Variants in ZNF236 observed in about 807,000 individuals in gnomAD.
The protein encoded by ZNF236 is zinc finger protein 236.
ZNF236 carries 50 observed loss-of-function variants against 191.2 expected under a neutral mutation model. The ratio of observed to expected loss-of-function variants is 0.26; its 90% CI spans 0.21 to 0.33. ZNF236 has a LOEUF of 0.33. Ranked by LOEUF, ZNF236 falls within the 10% of genes least tolerant of loss-of-function variation. The pLI, the probability that ZNF236 is intolerant of heterozygous loss-of-function variation, is 1.00. For missense variants in ZNF236, 1,754 were observed against 2,374.5 expected, an observed-to-expected ratio of 0.74 and a Z score of 5.43; for synonymous variants, 907 against 928.8, an observed-to-expected ratio of 0.98 and a Z score of 0.43.
At chr18:76,889,212 C>T (rs189180651) in intron 9 of ZNF236, among the ~76,000 whole-genome samples, 14 of 152,306 alleles carry the variant, frequency 9.2e-5, no homozygotes, top group Admixed American at 4.6e-4. Flanking sequence ...CGAAGCTCAC[C>T]GGCAGGGCCA....
intron 21 of ZNF236, among the ~76,000 whole-genome samples, chr18:76,924,332 G>A (rs917173197): frequency 9.2e-5 from 14 of 152,214 alleles, no homozygotes; most frequent in African/African-American, 3.1e-4. Context: ...CTTGGTTTTG[G>A]AGTTCAGCGT....
chr18:76,916,694 C>T (rs1235650407), intron 19 of ZNF236, among the ~76,000 whole-genome samples: 4 of 152,102 alleles, frequency 2.6e-5, no homozygotes, highest in Non-Finnish European at 5.9e-5. Flanking sequence ...TTTTTAAATC[C>T]GTGTGTGTTC....
At chr18:76,892,438 T>G (rs1047606042) in intron 9 of ZNF236, among the ~76,000 whole-genome samples, 1 of 150,272 alleles carries the variant, frequency 6.7e-6, no homozygotes, top group African/African-American at 2.4e-5. Context: ...TTGAATGTTA[T>G]ATTGAGATAT....
chr18:76,935,568 C>T (rs528092584), intron 25 of ZNF236, among the ~76,000 whole-genome samples: 9 of 152,288 alleles, frequency 5.9e-5, no homozygotes, highest in Admixed American at 6.5e-5. Flanking sequence ...TTTTGCTGTG[C>T]GCTGGCTTCG....
chr18:76,834,227 A>AT (rs1975252991), intron 1 of ZNF236, among the ~76,000 whole-genome samples: 2 of 151,652 alleles, frequency 1.3e-5, no homozygotes, highest in African/African-American at 4.8e-5. Flanking sequence ...GCTTTTTCTT[A>AT]TTTTTTTCTT....
chr18:76,914,239 A>C (rs1421378263), intron 18 of ZNF236, among the ~76,000 whole-genome samples: 1 of 152,204 alleles, frequency 6.6e-6, no homozygotes. Context: ...CAGTGTGCTC[A>C]AGTTTCACCT....
rs749172530 is a variant in ZNF236 at position 76,905,201 on chromosome 18, G to A, written c.2083G>A (p.Gly695Ser). The A allele has an allele frequency of 5.0e-6, 8 of 1,614,080 alleles. No individual in the cohort carries two copies. Among genetic ancestry groups the A allele is most frequent in the East Asian group, 2.2e-5 (1 of 44,868 alleles). ...KPFKCSQCGRGFVSAGVLKAH... is the reference protein window; with the variant it reads ...KPFKCSQCGRSFVSAGVLKAH... Reference sequence around the variant, plus strand: ...TTTTAAATGTTCTCAGTGTGGAAGAGGCTTTGTTTCTGCAGGCGTGCTCAA... The same window carrying A: ...TTTTAAATGTTCTCAGTGTGGAAGAAGCTTTGTTTCTGCAGGCGTGCTCAA... Residue 695 changes from glycine (G) to serine (S), a missense_variant, in exon 13 of 31, where the codon GGC becomes AGC. Gly to Ser is a moderately conservative substitution (Grantham distance 56). Transcript: ENST00000320610.
At chr18:76,833,498 T>C (rs142287574) in intron 1 of ZNF236, among the ~76,000 whole-genome samples, 5 of 152,316 alleles carry the variant, frequency 3.3e-5, no homozygotes, top group East Asian at 1.9e-4. Context: ...GTGAAAAACA[T>C]TGATTTTTCT....
intron 17 of ZNF236, among the ~76,000 whole-genome samples, chr18:76,912,651 AT>A (rs1175778489): frequency 6.6e-6 from 1 of 152,176 alleles, no homozygotes; most frequent in Non-Finnish European, 1.5e-5. Context: ...CATTTTCGAA[AT>A]TAGTTAAATT....
In ZNF236 at chr18:76,824,142, G is replaced by T. The variant is rs550148864; in HGVS notation, c.55+1480G>T. On this transcript the variant is annotated intron_variant, in intron 1 of 30. Transcript: ENST00000320610. ...GAGCTTGTGACCAAACAACACAGGT[G>T]CCCCAGAGAAAGGTCGGGCCTGGAA... 3.5e-4 allele frequency: 208 copies of T among 592,712 alleles called. No homozygotes were observed. In the South Asian group the frequency reaches 3.8e-3, roughly 11 times the overall value. 36.7% of individuals were successfully genotyped at this position (592,712 alleles called of 1,614,324 possible).
intron 3 of ZNF236, among the ~76,000 whole-genome samples, chr18:76,853,999 G>C (rs551275766): frequency 6.7e-6 from 1 of 149,958 alleles, no homozygotes; most frequent in Non-Finnish European, 1.5e-5. Flanking sequence ...AACAGAGCAA[G>C]ACTCTGTCTT....
chr18:76,960,866 T>G lies in ZNF236; in HGVS notation c.5419+11T>G. 6.2e-7 allele frequency: 1 copy of G among 1,606,038 alleles called. No homozygotes were observed. The highest frequency in any genetic ancestry group is 8.5e-7 in the Non-Finnish European group (1 of 1,174,400). ...CGCACAGCTATGCTGGTGAGAATGCTGCACCCGGGAGTGCGTGCTGTTCGG... is the reference window on the plus strand; with the variant it reads ...CGCACAGCTATGCTGGTGAGAATGCGGCACCCGGGAGTGCGTGCTGTTCGG... On this transcript the variant is annotated intron_variant, in intron 30 of 30. Coordinates refer to ENST00000320610, the MANE Select transcript of ZNF236 (RefSeq NM_001306089.2). The surrounding 1 kb of genome is among the most constrained non-coding windows in gnomAD (Gnocchi z 4.4).
intron 13 of ZNF236, among the ~76,000 whole-genome samples, chr18:76,905,968 A>G (rs1038171645): frequency 2.0e-5 from 3 of 152,340 alleles, no homozygotes; most frequent in Non-Finnish European, 2.9e-5. Context: ...GCTGGGGCCT[A>G]TTCGATGAGT....
chr18:76,893,702 G>A (rs1017802208), intron 9 of ZNF236, among the ~76,000 whole-genome samples: 2 of 152,174 alleles, frequency 1.3e-5, no homozygotes, highest in African/African-American at 2.4e-5. Flanking sequence ...CTCAAGAGAT[G>A]GAATTTTGCC....
At chr18:76,940,891 T>C (rs1968119757) in intron 26 of ZNF236, among the ~76,000 whole-genome samples, 1 of 152,184 alleles carries the variant, frequency 6.6e-6, no homozygotes, top group African/African-American at 2.4e-5. Context: ...CTGCCTGAGC[T>C]CCACCTCCTG....
At chr18:76,891,414 C>G (rs557669441) in intron 9 of ZNF236, among the ~76,000 whole-genome samples, 3 of 152,168 alleles carry the variant, frequency 2.0e-5, no homozygotes, top group African/African-American at 7.2e-5. Context: ...TCTCTGTTGC[C>G]CAGGCTGCAG....
chr18:76,919,764 G>T lies in ZNF236; in HGVS notation c.3275-12G>T. ...ATTACGATTTTGATCCCTTTTCCTT[G>T]ATTTTGTGTAGACATTTGTATGGAG... On this transcript the variant is annotated splice_polypyrimidine_tract_variant and intron_variant, in intron 19 of 30. Coordinates refer to ENST00000320610, the MANE Select transcript of ZNF236 (RefSeq NM_001306089.2). The surrounding 1 kb of genome is among the most constrained non-coding windows in gnomAD (Gnocchi z 5.3). 2 of 1,606,376 alleles carry T rather than the reference G, an allele frequency of 1.2e-6. No homozygotes were observed. Among genetic ancestry groups the T allele is most frequent in the Non-Finnish European group, 1.7e-6 (2 of 1,173,574 alleles).
intron 3 of ZNF236, among the ~76,000 whole-genome samples, chr18:76,857,816 A>G (rs1380519294): frequency 6.6e-6 from 1 of 152,198 alleles, no homozygotes; most frequent in Non-Finnish European, 1.5e-5. Context: ...TTAGAATTTT[A>G]TATAGTTAAT....
At position 76,905,298 on chromosome 18, in the gene ZNF236, G is replaced by T; in HGVS notation, c.2180G>T (p.Gly727Val). Reference protein sequence around the residue: ...CLICNGAFTTGGSLRRHMGIH... With the variant: ...CLICNGAFTTVGSLRRHMGIH... Reference sequence around the variant, plus strand: ...ATATGTAATGGGGCTTTCACTACTGGTGGCAGCTTACGGCGACACATGGGT... The same window carrying T: ...ATATGTAATGGGGCTTTCACTACTGTTGGCAGCTTACGGCGACACATGGGT... Residue 727 changes from glycine (G) to valine (V), a missense_variant, in exon 13 of 31, where the codon GGT becomes GTT. Physicochemically the swap from Gly to Val is moderately radical, Grantham distance 109. This residue lies in a region of ZNF236 where 641 missense variants were observed against 869.6 expected (regional missense o/e 0.74). Transcript: ENST00000320610. 1 of 1,614,174 alleles carries T rather than the reference G, an allele frequency of 6.2e-7. No individual in the cohort carries two copies. Among genetic ancestry groups the T allele is most frequent in the Non-Finnish European group, 8.5e-7 (1 of 1,180,052 alleles).
Sources: gnomAD v4.1 joint callset for allele counts (sites outside exome capture counted in the v4.1 genomes callset) on GRCh38, gnomAD v4.1.1 for gene constraint, gnomAD v4.1.1 regional missense constraint, Gnocchi (gnomAD v3.1) non-coding constraint, MANE v1.5 for transcripts, NCBI Gene and HGNC (gene_info 2026-07-23, HGNC 2026-07-21) for gene names.